Variants in LOC128462377 observed in about 807,000 individuals in gnomAD.
the LOC128462377 span, among the ~76,000 whole-genome samples, chr16:89,385,338 G>C: frequency 6.6e-6 from 1 of 150,650 alleles, no homozygotes; most frequent in African/African-American, 2.4e-5. Context: ...CATGTTGGCC[G>C]GGCTGGTCTC....
chr16:89,326,720 T>C, the LOC128462377 span, among the ~76,000 whole-genome samples: 1 of 151,946 alleles, frequency 6.6e-6, no homozygotes, highest in African/African-American at 2.4e-5. Flanking sequence ...CCAACCTTGG[T>C]GACAGAGCAA....
the LOC128462377 span, among the ~76,000 whole-genome samples, chr16:89,394,638 AAAAAC>A: frequency 5.0e-4 from 76 of 151,982 alleles, no homozygotes; most frequent in African/African-American, 1.8e-3. Flanking sequence ...CCAAAAAAAA[AAAAAC>A]AAACAACCTT....
chr16:89,324,575 G>C, the LOC128462377 span: 17 of 453,886 alleles, frequency 3.7e-5, no homozygotes, highest in South Asian at 1.1e-4. Flanking sequence ...CCTCCATCTG[G>C]GGGGGCATGA....
At chr16:89,324,497 G>A in the LOC128462377 span, 9 of 456,330 alleles carry the variant, frequency 2.0e-5, no homozygotes, top group Admixed American at 7.0e-5. Flanking sequence ...ACTGTTCCTG[G>A]GAGCATCTTG....
the LOC128462377 span, among the ~76,000 whole-genome samples, chr16:89,393,852 G>A: frequency 6.6e-6 from 1 of 152,136 alleles, no homozygotes; most frequent in Non-Finnish European, 1.5e-5. Flanking sequence ...CAGACAGTGG[G>A]AATAATCATG....
At chr16:89,325,433 C>T in the LOC128462377 span, among the ~76,000 whole-genome samples, 1 of 136,894 alleles carries the variant, frequency 7.3e-6, no homozygotes, top group African/African-American at 2.9e-5. Flanking sequence ...GCCAGACCCT[C>T]TCCCCTCTCC....
the LOC128462377 span, among the ~76,000 whole-genome samples, chr16:89,414,706 CG>C: frequency 2.0e-5 from 3 of 152,172 alleles, no homozygotes; most frequent in African/African-American, 7.2e-5. Context: ...ACAAGGCTGT[CG>C]GGGACCCTAT....
At chr16:89,319,143 G>A in the LOC128462377 span, among the ~76,000 whole-genome samples, 7,850 of 152,302 alleles carry the variant, frequency 0.052, 311 homozygotes, top group East Asian at 0.1. Context: ...ACCATGTAGA[G>A]TCCACCGTCC....
chr16:89,334,144 T>TTAAAAAA, the LOC128462377 span, among the ~76,000 whole-genome samples: 2 of 41,410 alleles, frequency 4.8e-5, no homozygotes, highest in African/African-American at 1.9e-4. Flanking sequence ...CCCTGTGTTT[T>TTAAAAAA]AAAAAAAAAA....
chr16:89,403,054 C>A, the LOC128462377 span, among the ~76,000 whole-genome samples: 1 of 152,188 alleles, frequency 6.6e-6, no homozygotes, highest in Admixed American at 6.5e-5. Flanking sequence ...CGCTCAACTG[C>A]GTGGTGGCGG....
chr16:89,406,608 G>A, the LOC128462377 span, among the ~76,000 whole-genome samples: 2 of 152,210 alleles, frequency 1.3e-5, no homozygotes, highest in Admixed American at 1.3e-4. Flanking sequence ...GGACAGAAAA[G>A]AGACAAGGAA....
the LOC128462377 span, among the ~76,000 whole-genome samples, chr16:89,339,573 A>G: frequency 1.3e-5 from 2 of 152,222 alleles, no homozygotes; most frequent in East Asian, 3.8e-4. Context: ...ATGGGTTATT[A>G]TATTTTATAA....
chr16:89,417,436 T>C, the LOC128462377 span, among the ~76,000 whole-genome samples: 2 of 152,172 alleles, frequency 1.3e-5, no homozygotes, highest in Non-Finnish European at 2.9e-5. Context: ...CATGCGTCTC[T>C]GGAAGGAGGG....
At chr16:89,377,085 A>G in the LOC128462377 span, among the ~76,000 whole-genome samples, 1 of 152,206 alleles carries the variant, frequency 6.6e-6, no homozygotes, top group Non-Finnish European at 1.5e-5. Flanking sequence ...AACTGCCTTA[A>G]ATGTTCTTTT....
chr16:89,403,533 G>A, the LOC128462377 span: 1 of 152,068 alleles, frequency 6.6e-6, no homozygotes, highest in African/African-American at 2.4e-5. Context: ...AACTACGACT[G>A]GGCAATGACA....
At chr16:89,413,069 G>A in the LOC128462377 span, among the ~76,000 whole-genome samples, 2 of 152,162 alleles carry the variant, frequency 1.3e-5, no homozygotes, top group Admixed American at 1.3e-4. Context: ...GCCTGGAGGG[G>A]GAGGGAGTAG....
the LOC128462377 span, among the ~76,000 whole-genome samples, chr16:89,375,948 G>T: frequency 6.6e-6 from 1 of 152,120 alleles, no homozygotes; most frequent in Non-Finnish European, 1.5e-5. Flanking sequence ...CTAAACTTGC[G>T]TGACACGCCG....
chr16:89,384,258 C>A, the LOC128462377 span, among the ~76,000 whole-genome samples: 1 of 152,114 alleles, frequency 6.6e-6, no homozygotes, highest in Non-Finnish European at 1.5e-5. Flanking sequence ...AGGCTGGGCA[C>A]GGTGGCTCAC....
At chr16:89,343,318 C>A in the LOC128462377 span, among the ~76,000 whole-genome samples, 1 of 152,200 alleles carries the variant, frequency 6.6e-6, no homozygotes, top group African/African-American at 2.4e-5. Flanking sequence ...AAAAGCAATA[C>A]CTGTGTTCCC....
Sources: allele counts gnomAD v4.1 joint callset (sites outside exome capture counted in the v4.1 genomes callset), GRCh38; gene constraint gnomAD v4.1.1; transcripts MANE v1.5.